The following GPR158 variants were observed in gnomAD, a reference collection of about 807,000 sequenced individuals.
The protein encoded by GPR158 is G protein-coupled receptor 158, also known as metabotropic glycine receptor.
In GPR158, 30 loss-of-function variants were observed where a neutral mutation model predicts 78.2. The observed-to-expected ratio is 0.38, with a 90% confidence interval of 0.29 to 0.52. The LOEUF (loss-of-function observed/expected upper bound fraction) is 0.52. Ranked by LOEUF, GPR158 falls within the 20% of genes least tolerant of loss-of-function variation. The probability of loss-of-function intolerance (pLI) is 0.83; values close to 1 mark genes in which losing one functional copy is unlikely to be tolerated. For synonymous variants in GPR158, 581 were observed against 591.1 expected, an observed-to-expected ratio of 0.98 and a Z score of 0.25; for missense variants, 1,463 against 1,523.5, an observed-to-expected ratio of 0.96 and a Z score of 0.66.
intron 2 of GPR158, among the ~76,000 whole-genome samples, chr10:25,384,191 G>C (rs1834192202): frequency 6.6e-6 from 1 of 152,042 alleles, no homozygotes; most frequent in Non-Finnish European, 1.5e-5. Context: ...CATTTGTAGA[G>C]TTAAGTCTAT....
In GPR158 at chr10:25,431,133, C is replaced by T. The variant is rs1183611239; in HGVS notation, c.1335+18660C>T. On this transcript the variant is annotated intron_variant, in intron 4 of 10. Coordinates refer to ENST00000376351, the MANE Select transcript of GPR158 (RefSeq NM_020752.3). ...ACTCATCTGACAAAGGGCTAATATC[C>T]AGAATCTACAATGAACTCAAACAAA... Among the ~76,000 whole-genome samples the T allele has an allele frequency of 1.8e-5, 2 of 112,842 alleles. 1 individual carries two copies. Among genetic ancestry groups the T allele is most frequent in the East Asian group, 4.2e-4 (2 of 4,818 alleles). 74.0% of individuals were successfully genotyped at this position (112,842 alleles called of 152,430 possible).
Position 25,588,873 on chromosome 10 carries a change from T to C in GPR158, c.1754-134T>C, listed in dbSNP as rs1837303959. The C allele has an allele frequency of 6.3e-6, 3 of 473,794 alleles. No homozygotes were observed. The Admixed American group carries it at 1.0e-4, about 17-fold the overall frequency. The allele number at this position is 473,794 out of a possible 1,614,324, so 29.3% of individuals were successfully genotyped here. ...ATTTAAAAATATATGGCATTTGTATTTGTATGTGAATAAGACTTTCTAACC... is the reference window on the plus strand; with the variant it reads ...ATTTAAAAATATATGGCATTTGTATCTGTATGTGAATAAGACTTTCTAACC... On this transcript the variant is annotated intron_variant, in intron 7 of 10. Coordinates refer to ENST00000376351, the MANE Select transcript of GPR158 (RefSeq NM_020752.3).
At chr10:25,390,047 G>T (rs1834272649) in intron 2 of GPR158, among the ~76,000 whole-genome samples, 2 of 152,256 alleles carry the variant, frequency 1.3e-5, no homozygotes, top group Admixed American at 6.5e-5. Context: ...ATGCTCTCTT[G>T]TCTGCCACCA....
intron 7 of GPR158, among the ~76,000 whole-genome samples, chr10:25,574,159 A>C (rs1218280965): frequency 1.3e-5 from 2 of 150,584 alleles, no homozygotes; most frequent in Admixed American, 6.6e-5. Flanking sequence ...AAAAAAAAAA[A>C]AAAAAAAAAA....
intron 4 of GPR158, among the ~76,000 whole-genome samples, chr10:25,424,610 A>G (rs1226838680): frequency 1.3e-5 from 2 of 151,776 alleles, no homozygotes; most frequent in East Asian, 3.9e-4. Flanking sequence ...ATGGCTAGCC[A>G]GTTTTCCCAG....
At chr10:25,312,381 G>T (rs888272807) in intron 2 of GPR158, among the ~76,000 whole-genome samples, 1 of 152,072 alleles carries the variant, frequency 6.6e-6, no homozygotes, top group Non-Finnish European at 1.5e-5. Context: ...ATCAGAAGAT[G>T]TTAATATTGG....
Position 25,412,269 on chromosome 10 carries a change from T to C in GPR158, c.1131T>C (p.His377=), listed in dbSNP as rs759060197. The change falls in exon 4 of 11, where the codon CAT becomes CAC. Residue 377 remains histidine, a synonymous_variant. Transcript: ENST00000376351. ...NNFRRRGPDQ[H]ISGSTKDVSE... ...TTTCAGGAAGGGGTCCGGATCAGCA[T>C]ATTTCAGGAAGTACAAAAGATGTGT... 3.7e-6 allele frequency: 6 copies of C among 1,613,718 alleles called. No individual in the cohort carries two copies. The Admixed American group carries it at 5.0e-5, about 13-fold the overall frequency.
intron 4 of GPR158, among the ~76,000 whole-genome samples, chr10:25,425,738 A>T (rs1246365086): frequency 1.3e-5 from 2 of 152,116 alleles, no homozygotes; most frequent in African/African-American, 4.8e-5. Context: ...GTTATTTCTT[A>T]TATTGCCTCT....
At chr10:25,473,936 T>C (rs1472568505) in intron 5 of GPR158, among the ~76,000 whole-genome samples, 2 of 152,110 alleles carry the variant, frequency 1.3e-5, no homozygotes, top group African/African-American at 4.8e-5. Flanking sequence ...TATGTTACCT[T>C]ACATGGAAAA....
rs1327583918 is a variant in GPR158 at position 25,176,292 on chromosome 10, G to C, written c.872G>C (p.Gly291Ala). 6.2e-7 allele frequency: 1 copy of C among 1,604,478 alleles called. No individual in the cohort carries two copies. Among genetic ancestry groups the C allele is most frequent in the Non-Finnish European group, 8.5e-7 (1 of 1,175,612 alleles). Residue 291 changes from glycine (G) to alanine (A), a missense_variant, in exon 1 of 11, where the codon GGG becomes GCG. By Grantham distance (60) the Gly-to-Ala change is moderately conservative. Transcript: ENST00000376351. The surrounding 1 kb of genome is among the most constrained non-coding windows in gnomAD (Gnocchi z 6.3). ...GTTACTCTTTCCTCTGCCATCTACG[G>C]GTTGCAGCCTAACCTGGTCCCGGAA... is the stretch of plus-strand genomic sequence containing the variant. ...WLVTLSSAIY[G>A]LQPNLVPEFR...
rs12785021 is a variant in GPR158, at chr10:25,427,284, A to G, written c.1335+14811A>G. Among the ~76,000 whole-genome samples the G allele has an allele frequency of 2.6e-5, 4 of 152,200 alleles. No homozygotes were observed. The South Asian group carries it at 8.3e-4, about 32-fold the overall frequency. ...TTACTCTTTGGGCTTCTGATAAGGA[A>G]CAATCATTATGGAGGGAGACTCATA... On this transcript the variant is annotated intron_variant, in intron 4 of 10. Transcript: ENST00000376351.
At chr10:25,575,975 T>C (rs1471351977) in intron 7 of GPR158, among the ~76,000 whole-genome samples, 1 of 148,460 alleles carries the variant, frequency 6.7e-6, no homozygotes, top group African/African-American at 2.5e-5. Flanking sequence ...GTGGCCACTC[T>C]CACTTTATAT....
At chr10:25,187,789 C>T (rs889827858) in intron 1 of GPR158, among the ~76,000 whole-genome samples, 1 of 152,110 alleles carries the variant, frequency 6.6e-6, no homozygotes, top group East Asian at 1.9e-4. Flanking sequence ...CCAGGGCAAT[C>T]AGGCAGGAGA....
chr10:25,483,092 G>T (rs769898538), intron 5 of GPR158, among the ~76,000 whole-genome samples: 6 of 151,762 alleles, frequency 4.0e-5, no homozygotes, highest in Non-Finnish European at 8.8e-5. Context: ...TAGTATGCCT[G>T]TTCTCCACTC....
chr10:25,430,387 C>G (rs1834884107), intron 4 of GPR158, among the ~76,000 whole-genome samples: 1 of 150,712 alleles, frequency 6.6e-6, no homozygotes, highest in African/African-American at 2.4e-5. Context: ...GAAGAACATT[C>G]CATGCTCATG....
intron 2 of GPR158, among the ~76,000 whole-genome samples, chr10:25,346,445 T>A (rs1170150567): frequency 2.6e-5 from 4 of 151,908 alleles, no homozygotes; most frequent in Non-Finnish European, 5.9e-5. Flanking sequence ...TATACCTGAA[T>A]GAATTCATAA....
chr10:25,441,781 CT>C (rs1452638002), intron 4 of GPR158, among the ~76,000 whole-genome samples: 1 of 152,122 alleles, frequency 6.6e-6, no homozygotes, highest in Non-Finnish European at 1.5e-5. Context: ...AGAAATGAGA[CT>C]TTTCTTTGTT....
At chr10:25,389,676 T>A (rs1834268061) in intron 2 of GPR158, among the ~76,000 whole-genome samples, 1 of 152,174 alleles carries the variant, frequency 6.6e-6, no homozygotes, top group Admixed American at 6.5e-5. Flanking sequence ...CATGCCATAT[T>A]GTGGGTGACA....
chr10:25,286,524 AAC>A (rs1020805062), intron 2 of GPR158, among the ~76,000 whole-genome samples: 2 of 151,966 alleles, frequency 1.3e-5, no homozygotes, highest in African/African-American at 4.8e-5. Flanking sequence ...ACATATCAAA[AAC>A]AGTCTCTCTA....
Sources: allele counts gnomAD v4.1 joint callset (sites outside exome capture counted in the v4.1 genomes callset), GRCh38; gene constraint gnomAD v4.1.1; non-coding constraint Gnocchi (gnomAD v3.1); transcripts MANE v1.5; gene names NCBI Gene and HGNC (gene_info 2026-07-23, HGNC 2026-07-21).